Variants in ARHGAP29 observed in about 807,000 individuals in gnomAD.
The protein encoded by ARHGAP29 is rho GTPase-activating protein 29.
ARHGAP29 carries 43 observed loss-of-function variants against 122.6 expected under a neutral mutation model. The observed-to-expected ratio is 0.35, with a 90% CI of 0.27 to 0.45. ARHGAP29 has a LOEUF of 0.45. Ranked by LOEUF, ARHGAP29 falls within the 20% of genes least tolerant of loss-of-function variation. The pLI is 1.00. For synonymous variants in ARHGAP29, 506 were observed against 497.1 expected (o/e 1.02, Z -0.24); for missense variants, 1,303 against 1,477.2 (o/e 0.88, Z 1.93).
the ARHGAP29 span, among the ~76,000 whole-genome samples, chr1:94,282,365 A>C: frequency 6.6e-6 from 1 of 151,840 alleles, no homozygotes; most frequent in African/African-American, 2.4e-5. Flanking sequence ...GGCTTACTGC[A>C]GCCTTGACCT....
intron 12 of ARHGAP29, among the ~76,000 whole-genome samples, chr1:94,196,826 T>C (rs1281226293): frequency 6.6e-6 from 1 of 152,066 alleles, no homozygotes; most frequent in African/African-American, 2.4e-5. Context: ...TAGAAAATAT[T>C]TGGAACTGAA....
At chr1:94,289,331 A>G in the ARHGAP29 span, among the ~76,000 whole-genome samples, 5 of 152,146 alleles carry the variant, frequency 3.3e-5, no homozygotes, top group South Asian at 4.1e-4. Context: ...ATTTTTGCAC[A>G]TTGATTTTGT....
chr1:94,174,513 A>C lies in ARHGAP29; in HGVS notation c.3142T>G (p.Cys1048Gly). ...ACTCCTTCAAAGGCAGGATTCTTGC[A>C]AAACTTGTCTAAATTTACATTTCCC... is the stretch of plus-strand genomic sequence containing the variant. The part of the protein sequence containing the change: ...NMGNVNLDKF[C>G]KNPAFEGVNR... The change falls in exon 23 of 23, where the codon TGC becomes GGC. Residue 1048 changes from cysteine to glycine, a missense_variant. Transcript: ENST00000260526. The C allele has an allele frequency of 1.2e-6, 2 of 1,614,216 alleles. No individual in the cohort carries two copies. Among genetic ancestry groups the C allele is most frequent in the Non-Finnish European group, 1.7e-6 (2 of 1,180,034 alleles).
chr1:94,169,528 A>G lies in ARHGAP29; in HGVS notation c.*4341T>C, dbSNP rs1046786684. Among the ~76,000 whole-genome samples, 2 of 152,170 alleles carry G rather than the reference A, an allele frequency of 1.3e-5. No homozygotes were observed. Among genetic ancestry groups the G allele is most frequent in the African/African-American group, 4.8e-5 (2 of 41,438 alleles). ...AAAGATGGAAAGGGAGACTAGATTA[A>G]CCTCAAAGGATTGAATTGAAGGTGT... On this transcript the variant is annotated 3_prime_UTR_variant, in exon 23 of 23. Transcript: ENST00000260526.
chr1:94,182,893 G>A (rs1221339413), intron 19 of ARHGAP29, among the ~76,000 whole-genome samples: 6 of 152,126 alleles, frequency 3.9e-5, no homozygotes, highest in East Asian at 1.9e-4. Flanking sequence ...AGAGGAGAAG[G>A]TGGAAAAGAG....
Position 94,190,017 on chromosome 1 carries a change from G to C in ARHGAP29, c.1348C>G (p.Leu450Val), listed in dbSNP as rs377195727. 1.9e-6 allele frequency: 3 copies of C among 1,613,374 alleles called. No homozygotes were observed. Among genetic ancestry groups the C allele is most frequent in the Non-Finnish European group, 2.5e-6 (3 of 1,179,616 alleles). Residue 450 changes from leucine to valine, a missense_variant, in exon 13 of 23, where the codon CTC becomes GTC. Physicochemically the swap from Leu to Val is conservative, Grantham distance 32. Coordinates refer to ENST00000260526, the MANE Select transcript of ARHGAP29 (RefSeq NM_004815.4). Reference sequence around the variant, plus strand: ...TCATAGAGTTTGGCACTATCACAGAGAGACTGTAAACTGTCTGCAAGGGAA... The same window carrying C: ...TCATAGAGTTTGGCACTATCACAGACAGACTGTAAACTGTCTGCAAGGGAA... The part of the protein sequence containing the change: ...AASLADSLQS[L>V]CDSAKLYDPG...
In ARHGAP29 at chr1:94,184,383, C is replaced by T. The variant is rs1649662787; in HGVS notation, c.2110-95G>A. 21 of 885,210 alleles carry T rather than the reference C, an allele frequency of 2.4e-5. 1 individual carries two copies. The South Asian group carries it at 3.9e-4, about 17-fold the overall frequency. The allele number at this position is 885,210 out of a possible 1,614,324, so 54.8% of individuals were successfully genotyped here. ...ATATACTTGATTTTCAATCTTTTCA[C>T]TCTATTTCAAATTTTATTATTATTT... is the stretch of plus-strand genomic sequence containing the variant. On this transcript the variant is annotated intron_variant, in intron 18 of 22. Coordinates refer to ENST00000260526, the MANE Select transcript of ARHGAP29 (RefSeq NM_004815.4).
the ARHGAP29 span, among the ~76,000 whole-genome samples, chr1:94,295,703 T>C: frequency 6.6e-6 from 1 of 152,244 alleles, no homozygotes; most frequent in East Asian, 1.9e-4. Flanking sequence ...CTAATTCTAA[T>C]GTGGAATTCT....
intron 3 of ARHGAP29, among the ~76,000 whole-genome samples, chr1:94,209,920 G>T (rs1328051788): frequency 6.6e-6 from 1 of 151,440 alleles, no homozygotes; most frequent in Admixed American, 6.6e-5. Flanking sequence ...TTTACTTACA[G>T]CCTTATTTCT....
At chr1:94,295,786 T>TCTAATTCCACACAATGTGGAATCTC in the ARHGAP29 span, among the ~76,000 whole-genome samples, 1 of 150,184 alleles carries the variant, frequency 6.7e-6, no homozygotes, top group South Asian at 2.1e-4. Context: ...TGTGGAATCT[T>TCTAATTCCACACAATGTGGAATCTC]CTAATTCCAC....
At chr1:94,269,427 A>G (rs753916650) in intron 1 of ARHGAP29, among the ~76,000 whole-genome samples, 2 of 152,202 alleles carry the variant, frequency 1.3e-5, no homozygotes, top group Non-Finnish European at 2.9e-5. Flanking sequence ...AGGAGATACT[A>G]ATAGTCTGTA....
intron 1 of ARHGAP29, chr1:94,248,111 C>G (rs1653901847): frequency 6.6e-6 from 1 of 152,242 alleles, no homozygotes. Context: ...TTCCTCCACC[C>G]TTCTTCTCCC....
intron 16 of ARHGAP29, 136 bp downstream of exon 16, chr1:94,186,363 T>G (rs1649801418): frequency 3.6e-6 from 2 of 557,204 alleles, no homozygotes; most frequent in Non-Finnish European, 6.3e-6. Flanking sequence ...TTGGGATATA[T>G]TTAAGTCATG....
chr1:94,213,709 ACTCT>A (rs1305587290), intron 3 of ARHGAP29, among the ~76,000 whole-genome samples: 1 of 151,964 alleles, frequency 6.6e-6, no homozygotes, highest in South Asian at 2.1e-4. Context: ...TTAAATCCTA[ACTCT>A]CTCTCTTACA....
chr1:94,219,367 C>A (rs528027812), intron 3 of ARHGAP29, among the ~76,000 whole-genome samples: 5 of 152,130 alleles, frequency 3.3e-5, no homozygotes, highest in African/African-American at 1.2e-4. Flanking sequence ...TCTACTTACT[C>A]TGCACACTCA....
chr1:94,291,580 T>G, the ARHGAP29 span, among the ~76,000 whole-genome samples: 1 of 152,208 alleles, frequency 6.6e-6, no homozygotes, highest in African/African-American at 2.4e-5. Flanking sequence ...GTTTTTGCAG[T>G]GGCTGGTACC....
chr1:94,238,013 C>T (rs1351279849), upstream of ARHGAP29, among the ~76,000 whole-genome samples: 1 of 151,726 alleles, frequency 6.6e-6, no homozygotes, highest in Non-Finnish European at 1.5e-5. Flanking sequence ...GCCCCTCTGC[C>T]CTCTATGGAG....
At chr1:94,283,872 T>A in the ARHGAP29 span, among the ~76,000 whole-genome samples, 1 of 152,166 alleles carries the variant, frequency 6.6e-6, no homozygotes, top group Non-Finnish European at 1.5e-5. Context: ...TCCAAACATC[T>A]TTATCGGTAC....
chr1:94,285,354 A>G, the ARHGAP29 span, among the ~76,000 whole-genome samples: 73 of 152,074 alleles, frequency 4.8e-4, no homozygotes, highest in African/African-American at 1.7e-3. Context: ...AAAAAAAAAT[A>G]CAGTCCCGGT....
Sources: gnomAD v4.1 joint callset for allele counts (sites outside exome capture counted in the v4.1 genomes callset) on GRCh38, gnomAD v4.1.1 for gene constraint, MANE v1.5 for transcripts, NCBI Gene and HGNC (gene_info 2026-07-23, HGNC 2026-07-21) for gene names.